CLEC16A: variants seen among roughly 807,000 people sequenced by gnomAD.
CLEC16A encodes protein CLEC16A.
A neutral mutation model predicts 109.5 loss-of-function variants in CLEC16A; 51 were observed. The ratio of observed to expected loss-of-function variants is 0.47; its 90% CI spans 0.37 to 0.59. CLEC16A has a LOEUF of 0.59. CLEC16A is among the 20% of genes least tolerant of loss of function. CLEC16A has a pLI of 0.00. For missense variants in CLEC16A, 1,339 were observed against 1,394.0 expected, an observed-to-expected ratio of 0.96 and a Z score of 0.63; for synonymous variants, 673 against 564.2, an observed-to-expected ratio of 1.19 and a Z score of -2.73.
chr16:11,167,482 G>A (rs898186751), intron 23 of CLEC16A, among the ~76,000 whole-genome samples: 7 of 152,128 alleles, frequency 4.6e-5, no homozygotes, highest in Admixed American at 4.6e-4. Context: ...GAGGACACGG[G>A]CTACTGCAGA....
At chr16:11,152,903 A>T (rs765908180) in intron 22 of CLEC16A, among the ~76,000 whole-genome samples, 1 of 152,056 alleles carries the variant, frequency 6.6e-6, no homozygotes, top group Non-Finnish European at 1.5e-5. Flanking sequence ...AAAGGCTGAG[A>T]CGCTTCCAGG....
At chr16:11,045,986 C>G (rs1323612269) in intron 16 of CLEC16A, among the ~76,000 whole-genome samples, 3 of 152,164 alleles carry the variant, frequency 2.0e-5, no homozygotes, top group African/African-American at 7.2e-5. Flanking sequence ...TGGGCCCCTA[C>G]ACACTGAGGA....
rs566412332 is a variant in CLEC16A at position 11,065,967 on chromosome 16, G to A, written c.2116+4945G>A. The stretch of plus-strand genomic sequence containing the variant: ...AACGGACACTTCTAGAGCTGGCACT[G>A]CCTGGTCAGACGGTCCCAGAAGGGG... On this transcript the variant is annotated intron_variant, in intron 19 of 23. Transcript: ENST00000409790. Among the ~76,000 whole-genome samples the A allele has an allele frequency of 1.8e-4, 28 of 152,326 alleles. No individual in the cohort carries two copies. The East Asian group carries it at 5.2e-3, about 28-fold the overall frequency.
chr16:11,132,233 C>CT (rs1318586532), intron 22 of CLEC16A, among the ~76,000 whole-genome samples: 2 of 105,232 alleles, frequency 1.9e-5, no homozygotes, highest in Middle Eastern at 4.6e-3. Flanking sequence ...ATCGCCCACC[C>CT]ACCCCCCCCG....
intron 23 of CLEC16A, among the ~76,000 whole-genome samples, chr16:11,168,679 C>A (rs953712263): frequency 6.6e-6 from 1 of 152,254 alleles, no homozygotes; most frequent in Non-Finnish European, 1.5e-5. Flanking sequence ...GGCCAGCCTG[C>A]AATCTCCCTC....
intron 1 of CLEC16A, among the ~76,000 whole-genome samples, chr16:10,951,020 A>T (rs547015018): frequency 6.6e-6 from 1 of 152,326 alleles, no homozygotes; most frequent in Admixed American, 6.5e-5. Flanking sequence ...AATGGACTGA[A>T]TTGCTAATTT....
chr16:11,158,020 C>T (rs1273732401), intron 22 of CLEC16A, among the ~76,000 whole-genome samples: 1 of 152,140 alleles, frequency 6.6e-6, no homozygotes, highest in African/African-American at 2.4e-5. Flanking sequence ...AGCTGAAGTC[C>T]CAGACTTAGT....
At chr16:11,140,765 C>T (rs952080278) in intron 22 of CLEC16A, among the ~76,000 whole-genome samples, 3 of 152,198 alleles carry the variant, frequency 2.0e-5, no homozygotes, top group African/African-American at 7.2e-5. Flanking sequence ...TGCCACAGCC[C>T]TGCCGAGGAA....
At chr16:10,994,220 T>C (rs1171365498) in intron 10 of CLEC16A, among the ~76,000 whole-genome samples, 1 of 152,238 alleles carries the variant, frequency 6.6e-6, no homozygotes, top group Admixed American at 6.5e-5. Flanking sequence ...CCCCACTCCA[T>C]AGCATTCATT....
chr16:11,096,778 A>G (rs188310271), intron 19 of CLEC16A, among the ~76,000 whole-genome samples: 4 of 152,328 alleles, frequency 2.6e-5, no homozygotes, highest in Admixed American at 2.6e-4. Flanking sequence ...CAAATGTAGG[A>G]ATATTTTGTC....
intron 22 of CLEC16A, among the ~76,000 whole-genome samples, chr16:11,130,565 G>T (rs1451769098): frequency 6.6e-6 from 1 of 152,218 alleles, no homozygotes; most frequent in African/African-American, 2.4e-5. Context: ...CCACAGAGTA[G>T]TGACACGGGG....
intron 19 of CLEC16A, among the ~76,000 whole-genome samples, chr16:11,114,814 T>C (rs185235596): frequency 1.3e-5 from 2 of 152,262 alleles, no homozygotes; most frequent in East Asian, 3.9e-4. Flanking sequence ...TGATCTCCCT[T>C]GCGGATAGCA....
chr16:10,970,346 T>A (rs1465786310), intron 4 of CLEC16A, among the ~76,000 whole-genome samples: 2 of 152,208 alleles, frequency 1.3e-5, no homozygotes, highest in Non-Finnish European at 2.9e-5. Context: ...CTTCCCCTCA[T>A]GTTTCCCTGC....
rs1341399474 is a variant in CLEC16A at position 11,174,021 on chromosome 16, C to G, written c.2807-4314C>G. The G allele has an allele frequency of 2.8e-6, 1 of 363,002 alleles. No individual in the cohort carries two copies. The highest frequency in any genetic ancestry group is 5.6e-6 in the Non-Finnish European group (1 of 178,144). 22.5% of individuals were successfully genotyped at this position (363,002 alleles called of 1,614,324 possible). On this transcript the variant is annotated intron_variant, in intron 23 of 23. Coordinates refer to ENST00000409790, the MANE Select transcript of CLEC16A (RefSeq NM_015226.3). This position sits in a 1 kb window ranked among gnomAD's most constrained non-coding sequence, Gnocchi z 4.7. ...ATGCACCGGTGGCCACAAGCCCATG[C>G]TGGGCACTGCCCCACGACCCTCGCC... is the stretch of plus-strand genomic sequence containing the variant.
intron 11 of CLEC16A, among the ~76,000 whole-genome samples, chr16:11,003,686 C>A (rs2044808580): frequency 6.6e-6 from 1 of 152,182 alleles, no homozygotes; most frequent in African/African-American, 2.4e-5. Context: ...GGCTTCGATG[C>A]TGCAGAAGTG....
At chr16:11,002,255 A>G (rs1483655610) in intron 10 of CLEC16A, among the ~76,000 whole-genome samples, 3 of 152,250 alleles carry the variant, frequency 2.0e-5, no homozygotes, top group African/African-American at 7.2e-5. Context: ...GCCTGAGAAC[A>G]GCATCTGACA....
In CLEC16A at chr16:11,123,805, G is replaced by A. The variant is rs2052604846; in HGVS notation, c.2332G>A (p.Ala778Thr). ...CCTGAACATCACCATCCACAAGCCT[G>A]CGTCCAGCCCCCATTCCAAGCCCTT... is the stretch of plus-strand genomic sequence containing the variant. ...RALNITIHKP[A>T]SSPHSKPFPI... The change falls in exon 21 of 24, where the codon GCG (alanine) becomes ACG (threonine). Residue 778 changes from alanine to threonine, a missense_variant. Around this residue, in one of 3 missense-constraint regions of CLEC16A, gnomAD observed 1,061 missense variants for 1,006.8 expected, o/e 1.05. Coordinates refer to ENST00000409790, the MANE Select transcript of CLEC16A (RefSeq NM_015226.3). 1 of 1,613,916 alleles carries A rather than the reference G, an allele frequency of 6.2e-7. No individual in the cohort carries two copies. Among genetic ancestry groups the A allele is most frequent in the African/African-American group, 1.3e-5 (1 of 74,934 alleles).
At chr16:10,963,967 C>T (rs1448943019) in intron 3 of CLEC16A, among the ~76,000 whole-genome samples, 1 of 152,230 alleles carries the variant, frequency 6.6e-6, no homozygotes, top group Admixed American at 6.5e-5. Context: ...TAATCCTCCA[C>T]GCTAGACTGC....
At chr16:10,945,778 C>A (rs77240340) in intron 1 of CLEC16A, among the ~76,000 whole-genome samples, 18,460 of 152,194 alleles carry the variant, frequency 0.12, 1,118 homozygotes, top group African/African-American at 0.14. Context: ...CGTGCTCCCC[C>A]CATCCCAGTT....
Sources: allele counts gnomAD v4.1 joint callset (sites outside exome capture counted in the v4.1 genomes callset), GRCh38; gene constraint gnomAD v4.1.1; regional missense constraint gnomAD v4.1.1; non-coding constraint Gnocchi (gnomAD v3.1); transcripts MANE v1.5; gene names NCBI Gene and HGNC (gene_info 2026-07-23, HGNC 2026-07-21).